TMBIM4: variants seen among roughly 807,000 people sequenced by gnomAD.
The protein encoded by TMBIM4 is protein lifeguard 4.
A neutral mutation model predicts 27.7 loss-of-function variants in TMBIM4; 28 were observed. The observed-to-expected ratio is 1.01, with a 90% CI of 0.75 to 1.38. The LOEUF is 1.38. Ranked by LOEUF, TMBIM4 falls within the 40% of genes most tolerant of loss-of-function variation. The pLI, the probability that TMBIM4 is intolerant of heterozygous loss-of-function variation, is 0.00. For missense variants in TMBIM4, 265 were observed against 277.5 expected, an observed-to-expected ratio of 0.95 and a Z score of 0.32; for synonymous variants, 115 against 113.1, an observed-to-expected ratio of 1.02 and a Z score of -0.11.
chr12:66,154,639 T>C (rs1168718400), intron 1 of TMBIM4, among the ~76,000 whole-genome samples: 1 of 152,198 alleles, frequency 6.6e-6, no homozygotes, highest in Non-Finnish European at 1.5e-5. Context: ...TGTTGTCTCT[T>C]GCCTATCATG....
chr12:66,158,005 T>C (rs1361032210), intron 1 of TMBIM4, among the ~76,000 whole-genome samples: 5 of 151,798 alleles, frequency 3.3e-5, no homozygotes, highest in African/African-American at 1.2e-4. Context: ...GGTGGGCACA[T>C]CACGAGGTTA....
chr12:66,153,544 T>C (rs79407829), intron 1 of TMBIM4, 96 bp from the exon 2 acceptor site: 14,168 of 602,046 alleles, frequency 0.024, 788 homozygotes, highest in African/African-American at 0.16. Context: ...TTTTTACACG[T>C]ATTCTTTCCT....
chr12:66,168,220 C>CAAAAAAAAAAAAAAAAAAAAACAAAAAA (rs762237233), intron 1 of TMBIM4, among the ~76,000 whole-genome samples: 1 of 79,270 alleles, frequency 1.3e-5, no homozygotes. Context: ...GACCCTGTCT[C>CAAAAAAAAAAAAAAAAAAAAACAAAAAA]AAAAAAAAAA....
chr12:66,167,367 T>C (rs757413241), intron 1 of TMBIM4, among the ~76,000 whole-genome samples: 1 of 152,228 alleles, frequency 6.6e-6, no homozygotes, highest in Non-Finnish European at 1.5e-5. Context: ...AAAGGGTATA[T>C]AAGAACTCTG....
chr12:66,147,274 T>G (rs2136856979), intron 4 of TMBIM4, among the ~76,000 whole-genome samples: 1 of 152,256 alleles, frequency 6.6e-6, no homozygotes, highest in South Asian at 2.1e-4. Flanking sequence ...AACAACTTGC[T>G]ATTATGGAGA....
chr12:66,166,464 C>CAAAAAAAAAAAAA (rs59822799), intron 1 of TMBIM4, among the ~76,000 whole-genome samples: 2 of 100,658 alleles, frequency 2.0e-5, no homozygotes, highest in African/African-American at 3.8e-5. Flanking sequence ...TACTTTGTCT[C>CAAAAAAAAAAAAA]AAAAAAAAAA....
chr12:66,156,162 A>G (rs192253570), intron 1 of TMBIM4, among the ~76,000 whole-genome samples: 6 of 152,348 alleles, frequency 3.9e-5, no homozygotes, highest in African/African-American at 1.4e-4. Flanking sequence ...AAAATATAAA[A>G]GATTCAATAT....
chr12:66,158,593 C>T (rs534072194), intron 1 of TMBIM4, among the ~76,000 whole-genome samples: 11 of 150,330 alleles, frequency 7.3e-5, no homozygotes, highest in Non-Finnish European at 1.2e-4. Context: ...TTGCAGTGAG[C>T]GGAGATCACA....
intron 3 of TMBIM4, among the ~76,000 whole-genome samples, chr12:66,150,007 T>C (rs1190330217): frequency 6.6e-6 from 1 of 152,190 alleles, no homozygotes; most frequent in Non-Finnish European, 1.5e-5. Context: ...GGAAATGTAT[T>C]GTACATACTT....
chr12:66,156,862 CCCTT>C, intron 1 of TMBIM4, among the ~76,000 whole-genome samples: 1 of 152,196 alleles, frequency 6.6e-6, no homozygotes, highest in East Asian at 1.9e-4. Context: ...CTTTGACACT[CCCTT>C]CAAGTGAGTC....
chr12:66,156,384 T>A (rs905791714), intron 1 of TMBIM4, among the ~76,000 whole-genome samples: 2 of 152,162 alleles, frequency 1.3e-5, no homozygotes, highest in African/African-American at 2.4e-5. Flanking sequence ...CCCCTCCCTG[T>A]TCCCAATCTA....
At position 66,164,345 on chromosome 12, in the gene TMBIM4, G is replaced by A. The variant is rs557510326; in HGVS notation, c.97+5510C>T. ...CTGTCTCAGGCAGAGAAAAGATAGT[G>A]GATCTACGGGCCATAAATCCCCTGA... On this transcript the variant is annotated intron_variant, in intron 1 of 6. Transcript: ENST00000358230. Among the ~76,000 whole-genome samples, 3 of 152,236 alleles carry A rather than the reference G, an allele frequency of 2.0e-5. No homozygotes were observed. The South Asian group carries it at 6.2e-4, about 32-fold the overall frequency.
rs1024685650 is a variant in TMBIM4 at position 66,137,165 on chromosome 12, C to A, written c.*795G>T. 1.3e-5 allele frequency: 2 copies of A among 152,014 alleles called. No individual in the cohort carries two copies. The highest frequency in any genetic ancestry group is 4.8e-5 in the African/African-American group (2 of 41,378). 9.4% of individuals were successfully genotyped at this position (152,014 alleles called of 1,614,324 possible). A position where few individuals can be genotyped will look rare whatever the true frequency, so the allele number is the denominator to read the frequency against. ...CATTTTAATGTAATACTGAATAATT[C>A]TCTGTGGAATTTATCTTTTACATTT... is the stretch of plus-strand genomic sequence containing the variant. On this transcript the variant is annotated 3_prime_UTR_variant, in exon 7 of 7. Coordinates refer to ENST00000358230, the MANE Select transcript of TMBIM4 (RefSeq NM_016056.4).
In TMBIM4 at chr12:66,136,226, AAG is replaced by A. The variant is rs1182356457; in HGVS notation, c.*1732_*1733del. On this transcript the variant is annotated 3_prime_UTR_variant, in exon 7 of 7. Coordinates refer to ENST00000358230, the MANE Select transcript of TMBIM4 (RefSeq NM_016056.4). ...TATTCCCATTATGAAGATGAGGCAG[AAG>A]ACCTAAGGAAGGATAAATAATTCGC... 6.6e-6 allele frequency: 1 copy of A among 152,204 alleles called. No individual in the cohort carries two copies. The highest frequency in any genetic ancestry group is 1.5e-5 in the Non-Finnish European group (1 of 68,040). The allele number at this position is 152,204 out of a possible 1,614,324, so 9.4% of individuals were successfully genotyped here.
chr12:66,150,692 G>A (rs1344970855), intron 3 of TMBIM4, among the ~76,000 whole-genome samples: 1 of 152,180 alleles, frequency 6.6e-6, no homozygotes, highest in Non-Finnish European at 1.5e-5. Flanking sequence ...GGATCACACA[G>A]GCGTGAGCCA....
At chr12:66,149,771 T>C (rs1289192072) in intron 3 of TMBIM4, among the ~76,000 whole-genome samples, 1 of 152,188 alleles carries the variant, frequency 6.6e-6, no homozygotes, top group East Asian at 1.9e-4. Context: ...GCTTAAAGTC[T>C]GAAATTTCGT....
At position 66,138,711 on chromosome 12, in the gene TMBIM4, T is replaced by C. The variant is rs1219826838; in HGVS notation, c.510+13A>G. The C allele has an allele frequency of 1.3e-6, 2 of 1,542,794 alleles. No homozygotes were observed. The highest frequency in any genetic ancestry group is 2.3e-5 in the Admixed American group (1 of 42,794). On this transcript the variant is annotated intron_variant, in intron 6 of 6. Coordinates refer to ENST00000358230, the MANE Select transcript of TMBIM4 (RefSeq NM_016056.4). ...GAATTATATTTCAAATTAACCATTATAACATAACTTACCTTCAAGAATCCT... is the reference window on the plus strand; with the variant it reads ...GAATTATATTTCAAATTAACCATTACAACATAACTTACCTTCAAGAATCCT...
rs74754170 is a variant in TMBIM4, at chr12:66,156,433, T to C, written c.98-2985A>G. Among the ~76,000 whole-genome samples the C allele has an allele frequency of 9.8e-3, 1,493 of 152,298 alleles. 16 individuals are homozygous for C. The highest frequency in any genetic ancestry group is 0.016 in the Non-Finnish European group (1,122 of 68,022). ...TAGTTCTACCTTTGAAAGTACAACG[T>C]ATCTGCCTCTTTTGGTCTCCTCTGT... On this transcript the variant is annotated intron_variant, in intron 1 of 6. Transcript: ENST00000358230.
chr12:66,137,754 A>G lies in TMBIM4; in HGVS notation c.*206T>C. 1.9e-6 allele frequency: 1 copy of G among 515,878 alleles called. No individual in the cohort carries two copies. Among genetic ancestry groups the G allele is most frequent in the Non-Finnish European group, 3.4e-6 (1 of 291,590 alleles). 32.0% of individuals were successfully genotyped at this position (515,878 alleles called of 1,614,324 possible). A position where few individuals can be genotyped will look rare whatever the true frequency, so the allele number is the denominator to read the frequency against. On this transcript the variant is annotated 3_prime_UTR_variant, in exon 7 of 7. Transcript: ENST00000358230. The stretch of plus-strand genomic sequence containing the variant: ...AACTGAGATCCTAAATCAAGGATTT[A>G]GAAATGAGGTATCATAAAGAATAGT...
Sources: allele counts gnomAD v4.1 joint callset (sites outside exome capture counted in the v4.1 genomes callset), GRCh38; gene constraint gnomAD v4.1.1; transcripts MANE v1.5; gene names NCBI Gene and HGNC (gene_info 2026-07-23, HGNC 2026-07-21).